Variants in ABCB1 observed in about 807,000 individuals in gnomAD.
ABCB1 encodes the protein ATP-dependent translocase ABCB1.
ABCB1 carries 69 observed loss-of-function variants against 142.0 expected under a neutral mutation model. That is an observed-to-expected ratio of 0.49 (90% CI 0.40 to 0.59). ABCB1 has a LOEUF of 0.59. Among genes scored for constraint, ABCB1 ranks in the 20% least tolerant of loss-of-function variants. ABCB1 has a pLI of 0.00. For synonymous variants in ABCB1, 532 were observed against 539.2 expected, an observed-to-expected ratio of 0.99 and a Z score of 0.18; for missense variants, 1,326 against 1,554.7, an observed-to-expected ratio of 0.85 and a Z score of 2.47.
At chr7:87,613,785 C>T (rs1819940990) in intron 1 of ABCB1, among the ~76,000 whole-genome samples, 1 of 152,160 alleles carries the variant, frequency 6.6e-6, no homozygotes, top group Admixed American at 6.5e-5. Flanking sequence ...TAACCTTAAC[C>T]TCAGCATTAT....
At chr7:87,582,523 A>G (rs1818552638) in intron 4 of ABCB1, among the ~76,000 whole-genome samples, 4 of 152,248 alleles carry the variant, frequency 2.6e-5, no homozygotes, top group Admixed American at 2.6e-4. Flanking sequence ...TCTAATACAA[A>G]TTAATTGATG....
At chr7:87,596,042 T>C (rs963236151) in intron 2 of ABCB1, among the ~76,000 whole-genome samples, 4 of 152,036 alleles carry the variant, frequency 2.6e-5, no homozygotes, top group African/African-American at 7.2e-5. Context: ...TGCTGGAATC[T>C]CTCTAAAAAT....
chr7:87,712,579 CTTAGT>C (rs1253652784), intron 1 of ABCB1, among the ~76,000 whole-genome samples: 2 of 151,892 alleles, frequency 1.3e-5, no homozygotes, highest in Non-Finnish European at 2.9e-5. Context: ...AGTCTTGTTT[CTTAGT>C]TTAAATGATT....
intron 8 of ABCB1, 125 bp downstream of exon 8, chr7:87,561,138 T>C (rs1053656300): frequency 1.8e-6 from 2 of 1,095,656 alleles, no homozygotes; most frequent in Non-Finnish European, 2.6e-6. Context: ...CTGTAATACA[T>C]CCATTAAGCT....
At chr7:87,554,107 A>C (rs1161910742) in intron 8 of ABCB1, among the ~76,000 whole-genome samples, 175 bp from the exon 9 acceptor site, 1 of 152,220 alleles carries the variant, frequency 6.6e-6, no homozygotes, top group Non-Finnish European at 1.5e-5. Context: ...TTTGCAGAAG[A>C]AGAAACTGAC....
chr7:87,517,189 C>T (rs1815291020), intron 23 of ABCB1, among the ~76,000 whole-genome samples: 1 of 152,158 alleles, frequency 6.6e-6, no homozygotes, highest in African/African-American at 2.4e-5. Flanking sequence ...ATACCTCTCT[C>T]TGTATCCTCA....
chr7:87,534,921 A>AC (rs1816215169), intron 20 of ABCB1, among the ~76,000 whole-genome samples: 2 of 139,686 alleles, frequency 1.4e-5, no homozygotes, highest in African/African-American at 5.2e-5. Flanking sequence ...TCTCTTTAAA[A>AC]AAAAAAAAAA....
At chr7:87,517,183 C>T (rs1045548619) in intron 23 of ABCB1, among the ~76,000 whole-genome samples, 1 of 151,928 alleles carries the variant, frequency 6.6e-6, no homozygotes, top group Non-Finnish European at 1.5e-5. Flanking sequence ...CTCTGTATAC[C>T]TCTCTCTGTA....
intron 23 of ABCB1, among the ~76,000 whole-genome samples, chr7:87,517,758 CT>C (rs771270601): frequency 6.6e-5 from 10 of 152,182 alleles, no homozygotes; most frequent in Non-Finnish European, 1.3e-4. Flanking sequence ...CATTGACGTT[CT>C]TATCTATGAC....
At chr7:87,597,833 C>A (rs1021910232) in intron 2 of ABCB1, among the ~76,000 whole-genome samples, 2 of 152,268 alleles carry the variant, frequency 1.3e-5, no homozygotes, top group African/African-American at 4.8e-5. Flanking sequence ...ACATTCAAAT[C>A]TCCCAAGAAT....
chr7:87,690,592 TAAAAGATA>T (rs1827917043), intron 1 of ABCB1, among the ~76,000 whole-genome samples: 1 of 152,168 alleles, frequency 6.6e-6, no homozygotes, highest in African/African-American at 2.4e-5. Flanking sequence ...AAATGCTGTA[TAAAAGATA>T]GTCTCATTGT....
intron 1 of ABCB1, among the ~76,000 whole-genome samples, chr7:87,662,541 T>G (rs1824819643): frequency 6.6e-6 from 1 of 152,116 alleles, no homozygotes; most frequent in South Asian, 2.1e-4. Flanking sequence ...TTCAGAATCT[T>G]TGTCAAAAAT....
At chr7:87,535,209 A>G (rs1355494558) in intron 20 of ABCB1, among the ~76,000 whole-genome samples, 1 of 152,140 alleles carries the variant, frequency 6.6e-6, no homozygotes, top group Non-Finnish European at 1.5e-5. Context: ...TCAAAATTTC[A>G]GATCATGTCA....
At chr7:87,647,744 C>T (rs536336694) in intron 1 of ABCB1, among the ~76,000 whole-genome samples, 1 of 152,040 alleles carries the variant, frequency 6.6e-6, no homozygotes, top group Non-Finnish European at 1.5e-5. Context: ...CAAACCATTA[C>T]ATAACTAACA....
chr7:87,638,811 G>T (rs574946656), intron 1 of ABCB1, among the ~76,000 whole-genome samples: 1 of 151,864 alleles, frequency 6.6e-6, no homozygotes, highest in African/African-American at 2.4e-5. Context: ...CTGTCGACTC[G>T]TGTTATGACT....
At position 87,600,190 on chromosome 7, in the gene ABCB1, C is replaced by G; in HGVS notation, c.-6G>C. 5 of 1,613,906 alleles carry G rather than the reference C, an allele frequency of 3.1e-6. No homozygotes were observed. Among genetic ancestry groups the G allele is most frequent in the Non-Finnish European group, 4.2e-6 (5 of 1,179,830 alleles). On this transcript the variant is annotated splice_region_variant and 5_prime_UTR_variant, in exon 2 of 28. Coordinates refer to ENST00000622132, the MANE Select transcript of ABCB1 (RefSeq NM_001348946.2). ...CGGTCCCCTTCAAGATCCATTCCGA[C>G]CTGAAGAGAAACCGCAGCTCATTAG...
intron 8 of ABCB1, among the ~76,000 whole-genome samples, chr7:87,556,265 A>C (rs1817305595): frequency 6.6e-6 from 1 of 152,232 alleles, no homozygotes; most frequent in South Asian, 2.1e-4. Flanking sequence ...TTTAAGAATA[A>C]GGAACAATTT....
At chr7:87,591,414 G>C (rs1418555001) in intron 3 of ABCB1, among the ~76,000 whole-genome samples, 4 of 152,196 alleles carry the variant, frequency 2.6e-5, no homozygotes, top group East Asian at 3.8e-4. Flanking sequence ...GGATGATAAA[G>C]AGGCAGGGCA....
intron 1 of ABCB1, chr7:87,628,580 C>CGTGTGTGTGTGT (rs1430415147): frequency 2.0e-5 from 6 of 292,756 alleles, no homozygotes; most frequent in African/African-American, 1.9e-4. Context: ...GTGGTGCGTG[C>CGTGTGTGTGTGT]GTGCGTGTGT....
Sources: gnomAD v4.1 joint callset for allele counts (sites outside exome capture counted in the v4.1 genomes callset) on GRCh38, gnomAD v4.1.1 for gene constraint, MANE v1.5 for transcripts, NCBI Gene and HGNC (gene_info 2026-07-23, HGNC 2026-07-21) for gene names.